R3HDM1: variants seen among roughly 807,000 people sequenced by gnomAD.
R3HDM1 encodes the protein R3H domain containing 1, also known as R3H domain-containing protein 1.
Under a neutral mutation model 141.1 loss-of-function variants are expected in R3HDM1, and 46 were observed. That is an observed-to-expected ratio of 0.33 (90% confidence interval 0.26 to 0.42). The LOEUF (loss-of-function observed/expected upper bound fraction) is 0.42. Ranked by LOEUF, R3HDM1 falls within the 10% of genes least tolerant of loss-of-function variation. The pLI, the probability that R3HDM1 is intolerant of heterozygous loss-of-function variation, is 1.00. For synonymous variants in R3HDM1, 435 were observed against 472.9 expected (o/e 0.92, Z 1.04); for missense variants, 1,184 against 1,368.3 (o/e 0.87, Z 2.12).
At chr2:135,720,795 A>T (rs978556863) in intron 24 of R3HDM1, among the ~76,000 whole-genome samples, 1 of 152,252 alleles carries the variant, frequency 6.6e-6, no homozygotes, top group Non-Finnish European at 1.5e-5. Context: ...GTAAATGTGT[A>T]CATGCATATA....
chr2:135,602,858 G>T, intron 2 of R3HDM1, 150 bp downstream of exon 2: 1 of 632,742 alleles, frequency 1.6e-6, no homozygotes, highest in Non-Finnish European at 2.4e-6. Flanking sequence ...CTTTTGTATG[G>T]GTTATAATTA....
chr2:135,651,715 T>C lies in R3HDM1; in HGVS notation c.1726-15T>C. ...TGTAGAAGGCTTACTAATTTTTGACTTCTTCCTTTTTTAGCAGGATAACCT... is the reference window on the plus strand; with the variant it reads ...TGTAGAAGGCTTACTAATTTTTGACCTCTTCCTTTTTTAGCAGGATAACCT... On this transcript the variant is annotated splice_polypyrimidine_tract_variant and intron_variant, in intron 17 of 26. Coordinates refer to ENST00000683871, the MANE Select transcript of R3HDM1 (RefSeq NM_001378107.1). 1 of 1,585,902 alleles carries C rather than the reference T, an allele frequency of 6.3e-7. No individual in the cohort carries two copies. Among genetic ancestry groups the C allele is most frequent in the Non-Finnish European group, 8.6e-7 (1 of 1,162,612 alleles).
At chr2:135,644,552 G>A (rs1463466501) in intron 15 of R3HDM1, among the ~76,000 whole-genome samples, 1 of 152,108 alleles carries the variant, frequency 6.6e-6, no homozygotes, top group Admixed American at 6.5e-5. Context: ...GTACCATCAA[G>A]TTTACAATTT....
At chr2:135,708,574 G>A (rs2075231893) in intron 21 of R3HDM1, among the ~76,000 whole-genome samples, 1 of 152,146 alleles carries the variant, frequency 6.6e-6, no homozygotes, top group South Asian at 2.1e-4. Flanking sequence ...TCTCAGAATA[G>A]TATCATTCTG....
At chr2:135,685,964 A>C (rs1251479209) in intron 21 of R3HDM1, among the ~76,000 whole-genome samples, 1 of 152,238 alleles carries the variant, frequency 6.6e-6, no homozygotes, top group East Asian at 1.9e-4. Flanking sequence ...CTGATATCCA[A>C]AATATTAAGG....
chr2:135,618,354 G>T (rs1274721057), intron 5 of R3HDM1, among the ~76,000 whole-genome samples: 1 of 151,580 alleles, frequency 6.6e-6, no homozygotes, highest in African/African-American at 2.4e-5. Context: ...TAGGGACGAG[G>T]TTTCACCATG....
intron 19 of R3HDM1, among the ~76,000 whole-genome samples, chr2:135,662,699 A>G (rs1022906686): frequency 6.6e-6 from 1 of 152,232 alleles, no homozygotes; most frequent in East Asian, 1.9e-4. Flanking sequence ...ATATAATTTC[A>G]AAAGGTATCA....
intron 1 of R3HDM1, among the ~76,000 whole-genome samples, chr2:135,598,639 A>G (rs1310469556): frequency 6.7e-6 from 1 of 149,840 alleles, no homozygotes; most frequent in Non-Finnish European, 1.5e-5. Flanking sequence ...TATCTGCCTT[A>G]GTTTCCTAAT....
chr2:135,620,924 A>C (rs752485747), intron 5 of R3HDM1, among the ~76,000 whole-genome samples: 1 of 152,070 alleles, frequency 6.6e-6, no homozygotes, highest in Non-Finnish European at 1.5e-5. Context: ...TTTCTAAAAA[A>C]CTGTGGTGAT....
intron 21 of R3HDM1, among the ~76,000 whole-genome samples, chr2:135,685,914 A>G (rs1575012746): frequency 6.6e-6 from 1 of 152,204 alleles, no homozygotes; most frequent in African/African-American, 2.4e-5. Flanking sequence ...ACATGTCTAG[A>G]ACTTTGTATA....
At chr2:135,567,348 G>A (rs1176722776) in intron 1 of R3HDM1, among the ~76,000 whole-genome samples, 1 of 152,208 alleles carries the variant, frequency 6.6e-6, no homozygotes, top group Non-Finnish European at 1.5e-5. Context: ...TATATAGACA[G>A]TAACTTCATT....
intron 26 of R3HDM1, 62 bp downstream of exon 26, chr2:135,722,615 C>T: frequency 6.8e-7 from 1 of 1,470,966 alleles, no homozygotes. Context: ...AAAAATACAC[C>T]ACAGCACAGA....
At chr2:135,625,092 C>T (rs1208802682) in intron 7 of R3HDM1, among the ~76,000 whole-genome samples, 1 of 151,900 alleles carries the variant, frequency 6.6e-6, no homozygotes, top group African/African-American at 2.4e-5. Flanking sequence ...AGAGAGAGAG[C>T]AGAGGAATCC....
At chr2:135,546,214 G>T (rs894812760) in intron 1 of R3HDM1, among the ~76,000 whole-genome samples, 2 of 152,152 alleles carry the variant, frequency 1.3e-5, no homozygotes, top group Admixed American at 1.3e-4. Flanking sequence ...TTTTTGTTCT[G>T]TTCTCTTTTT....
chr2:135,613,144 G>A (rs1372554371), intron 3 of R3HDM1, among the ~76,000 whole-genome samples: 1 of 152,192 alleles, frequency 6.6e-6, no homozygotes, highest in African/African-American at 2.4e-5. Context: ...GTCCGCTTAG[G>A]GTTCTATGAG....
chr2:135,685,565 G>A (rs2071190374), intron 21 of R3HDM1, among the ~76,000 whole-genome samples: 1 of 152,060 alleles, frequency 6.6e-6, no homozygotes, highest in Admixed American at 6.5e-5. Context: ...CACTGTACTT[G>A]TAACTGATGA....
Position 135,604,857 on chromosome 2 carries a change from T to G in R3HDM1, c.12T>G (p.Ser4=), listed in dbSNP as rs2059917331. The stretch of plus-strand genomic sequence containing the variant: ...AATAACCTTTTCTAATGAGGATGTC[T>G]GATACTGTTACTGTAAAAGATGAAA... The part of the protein sequence containing the change: MRM[S]DTVTVKDETA... Residue 4 remains serine (S), a synonymous_variant, in exon 3 of 27, where the codon TCT becomes TCG. Coordinates refer to ENST00000683871, the MANE Select transcript of R3HDM1 (RefSeq NM_001378107.1). 1 of 1,612,158 alleles carries G rather than the reference T, an allele frequency of 6.2e-7. No individual in the cohort carries two copies. Among genetic ancestry groups the G allele is most frequent in the Admixed American group, 1.7e-5 (1 of 59,986 alleles).
intron 23 of R3HDM1, among the ~76,000 whole-genome samples, chr2:135,710,547 G>A (rs1424130929): frequency 6.6e-6 from 1 of 152,150 alleles, no homozygotes; most frequent in Non-Finnish European, 1.5e-5. Context: ...TACTCAGGAG[G>A]CTGAGGCAGG....
At chr2:135,683,953 A>AATACATAC (rs3074523) in intron 21 of R3HDM1, among the ~76,000 whole-genome samples, 11,764 of 147,918 alleles carry the variant, frequency 0.08, 662 homozygotes, top group East Asian at 0.18. Flanking sequence ...CTGTCTCATA[A>AATACATAC]ATACATACAT....
Sources: allele counts gnomAD v4.1 joint callset (sites outside exome capture counted in the v4.1 genomes callset), GRCh38; gene constraint gnomAD v4.1.1; transcripts MANE v1.5; gene names NCBI Gene and HGNC (gene_info 2026-07-23, HGNC 2026-07-21).